OPHN1: variants seen among roughly 807,000 people sequenced by gnomAD.
The protein encoded by OPHN1 is oligophrenin 1, also known as oligophrenin-1.
A neutral mutation model predicts 60.7 loss-of-function variants in OPHN1; 11 were observed. The observed-to-expected ratio is 0.18, with a 90% CI of 0.11 to 0.30. The LOEUF (loss-of-function observed/expected upper bound fraction) is 0.30. Among genes scored for constraint, OPHN1 ranks in the 10% least tolerant of loss-of-function variants. OPHN1 has a pLI of 1.00. For synonymous variants in OPHN1, 226 were observed against 222.6 expected (o/e 1.02, Z -0.14); for missense variants, 449 against 611.0 (o/e 0.73, Z 2.80).
At chrX:68,296,551 G>A (rs1035080473) in intron 3 of OPHN1, among the ~76,000 whole-genome samples, 2 of 107,323 alleles carry the variant, frequency 1.9e-5, no homozygotes, top group Non-Finnish European at 3.8e-5. Context: ...CCAGCTACTC[G>A]GGAGGCTCAG....
intron 2 of OPHN1, among the ~76,000 whole-genome samples, chrX:68,416,117 A>G (rs2078797966): frequency 1.0e-5 from 1 of 95,975 alleles, no homozygotes; most frequent in African/African-American, 4.2e-5. Context: ...GAGAGCGCTC[A>G]CTGAAACTTC....
chrX:68,063,935 T>C lies in OPHN1; in HGVS notation c.2077A>G (p.Met693Val), dbSNP rs2076903215. The change falls in exon 21 of 25, where the codon ATG (methionine) becomes GTG (valine). Residue 693 changes from methionine to valine, a missense_variant. Met to Val is a conservative substitution (Grantham distance 21). Transcript: ENST00000355520. ...GTCTTGGTGGGCCCAGAGCCTGGCA[T>C]GGGTCCATTGGTGGCCTTTGGGGTG... ...KITPKATNGP[M>V]PGSGPTKTPS... 2.5e-6 allele frequency: 3 copies of C among 1,202,273 alleles called. No individual in the cohort carries two copies. The highest frequency in any genetic ancestry group is 3.4e-6 in the Non-Finnish European group (3 of 890,080).
intron 19 of OPHN1, among the ~76,000 whole-genome samples, chrX:68,078,204 G>C (rs1340058549): frequency 9.0e-6 from 1 of 111,190 alleles, no homozygotes; most frequent in African/African-American, 3.3e-5. Context: ...ACTGTGGAAG[G>C]GGGGTTGGCA....
At chrX:68,392,304 C>T (rs1395143768) in intron 2 of OPHN1, among the ~76,000 whole-genome samples, 1 of 111,256 alleles carries the variant, frequency 9.0e-6, no homozygotes, top group Non-Finnish European at 1.9e-5. Context: ...GTAAGAATAC[C>T]GTATATAATA....
At chrX:68,293,583 C>T (rs758732704) in intron 3 of OPHN1, among the ~76,000 whole-genome samples, 1 of 112,077 alleles carries the variant, frequency 8.9e-6, no homozygotes, top group Non-Finnish European at 1.9e-5. Flanking sequence ...CACTAAAACC[C>T]CATGGGTGAC....
intron 2 of OPHN1, among the ~76,000 whole-genome samples, chrX:68,339,085 AAAAT>A (rs1404297535): frequency 4.0e-5 from 4 of 99,594 alleles, no homozygotes; most frequent in African/African-American, 1.6e-4. Context: ...CTGAAAAAAA[AAAAT>A]ATATATATAT....
intron 15 of OPHN1, among the ~76,000 whole-genome samples, chrX:68,187,817 T>C (rs1045395290): frequency 9.6e-4 from 107 of 111,257 alleles, no homozygotes; most frequent in African/African-American, 1.6e-3. Context: ...TTAGTAGAGA[T>C]GGGGTTTCAC....
At chrX:68,228,000 A>C (rs2077705403) in intron 6 of OPHN1, among the ~76,000 whole-genome samples, 1 of 111,657 alleles carries the variant, frequency 9.0e-6, no homozygotes, top group African/African-American at 3.3e-5. Context: ...AGCAGAATTG[A>C]TAGACTGCTA....
At chrX:68,393,290 G>A (rs866590412) in intron 2 of OPHN1, among the ~76,000 whole-genome samples, 1 of 111,938 alleles carries the variant, frequency 8.9e-6, no homozygotes, top group Admixed American at 9.5e-5. Context: ...AAAAAACAGT[G>A]ATTTTGTTTG....
At chrX:68,120,333 G>A (rs766516648) in intron 15 of OPHN1, among the ~76,000 whole-genome samples, 69 of 111,366 alleles carry the variant, frequency 6.2e-4, no homozygotes, top group East Asian at 3.4e-3. Context: ...TCTATCAGTC[G>A]CATTTCTACA....
intron 8 of OPHN1, among the ~76,000 whole-genome samples, chrX:68,211,254 C>A (rs1157193570): frequency 8.9e-6 from 1 of 111,887 alleles, no homozygotes; most frequent in African/African-American, 3.2e-5. Context: ...TCATCTAAAA[C>A]TACATCTATA....
At chrX:68,276,864 C>T (rs934546627) in intron 4 of OPHN1, among the ~76,000 whole-genome samples, 1 of 110,654 alleles carries the variant, frequency 9.0e-6, no homozygotes, top group Non-Finnish European at 1.9e-5. Flanking sequence ...GATTACCAAA[C>T]AGAAGAGGCC....
At chrX:68,213,737 G>A (rs2077595751) in intron 7 of OPHN1, 125 bp downstream of exon 7, 3 of 511,628 alleles carry the variant, frequency 5.9e-6, no homozygotes, top group Non-Finnish European at 1.0e-5. Flanking sequence ...GTTAGACTAC[G>A]TTCTAGACAT....
At chrX:68,191,740 GAA>G (rs1402244888) in intron 15 of OPHN1, among the ~76,000 whole-genome samples, 1 of 111,884 alleles carries the variant, frequency 8.9e-6, no homozygotes, top group Non-Finnish European at 1.9e-5. Flanking sequence ...TTGCTCAGCT[GAA>G]GAGATAAGGA....
intron 18 of OPHN1, among the ~76,000 whole-genome samples, chrX:68,106,872 C>T (rs985975403): frequency 6.3e-5 from 7 of 111,728 alleles, no homozygotes; most frequent in African/African-American, 2.3e-4. Flanking sequence ...GAAACTAAGC[C>T]TATTTTTTAT....
intron 5 of OPHN1, among the ~76,000 whole-genome samples, chrX:68,241,275 T>A (rs1362264156): frequency 8.9e-6 from 1 of 112,233 alleles, no homozygotes; most frequent in Admixed American, 9.5e-5. Flanking sequence ...GCAATTATTA[T>A]CAGTTTCAGA....
chrX:68,377,096 A>ATT (rs35459211), intron 2 of OPHN1, among the ~76,000 whole-genome samples: 8 of 83,528 alleles, frequency 9.6e-5, no homozygotes, highest in African/African-American at 2.3e-4. Flanking sequence ...CATGCAGCTA[A>ATT]TTTTTTTTTT....
intron 19 of OPHN1, among the ~76,000 whole-genome samples, chrX:68,093,743 C>T (rs141664640): frequency 4.0e-3 from 448 of 111,138 alleles, no homozygotes; most frequent in African/African-American, 0.014. Flanking sequence ...GTCTTTTGCC[C>T]ACTTTCTAAT....
intron 2 of OPHN1, chrX:68,361,201 G>A (rs1340323215): frequency 9.0e-6 from 1 of 111,329 alleles, no homozygotes; most frequent in East Asian, 2.8e-4. Context: ...TAAAAATAAG[G>A]CCAGGCACAG....
Sources: allele counts gnomAD v4.1 joint callset (sites outside exome capture counted in the v4.1 genomes callset), GRCh38; gene constraint gnomAD v4.1.1; transcripts MANE v1.5; gene names NCBI Gene and HGNC (gene_info 2026-07-23, HGNC 2026-07-21).